CDH8: variants seen among roughly 807,000 people sequenced by gnomAD.
CDH8 encodes cadherin-8.
Under a neutral mutation model 68.1 loss-of-function variants are expected in CDH8, and 17 were observed. The observed-to-expected ratio is 0.25, with a 90% CI of 0.17 to 0.37. CDH8 has a LOEUF of 0.37. Ranked by LOEUF, CDH8 falls within the 10% of genes least tolerant of loss-of-function variation. The pLI is 1.00. For missense variants in CDH8, 763 were observed against 999.3 expected (o/e 0.76, Z 3.19); for synonymous variants, 372 against 365.1 (o/e 1.02, Z -0.21).
chr16:61,768,599 T>C (rs1960699410), intron 8 of CDH8, among the ~76,000 whole-genome samples: 2 of 151,584 alleles, frequency 1.3e-5, no homozygotes, highest in South Asian at 4.2e-4. Context: ...GGTGAGACCC[T>C]GAAAGTGTAA....
At chr16:61,822,986 G>A (rs1451412478) in intron 5 of CDH8, among the ~76,000 whole-genome samples, 1 of 151,810 alleles carries the variant, frequency 6.6e-6, no homozygotes, top group Admixed American at 6.6e-5. Flanking sequence ...TTATTTAATT[G>A]AATAATCATT....
At chr16:61,869,972 A>G (rs1483875242) in intron 3 of CDH8, among the ~76,000 whole-genome samples, 1 of 152,190 alleles carries the variant, frequency 6.6e-6, no homozygotes, top group African/African-American at 2.4e-5. Flanking sequence ...ATATTTTACA[A>G]CAGCTGCGAC....
intron 2 of CDH8, among the ~76,000 whole-genome samples, chr16:61,972,571 G>GGGGT (rs369833002): frequency 0.22 from 28,559 of 131,306 alleles, 3,380 homozygotes; most frequent in East Asian, 0.33. Flanking sequence ...ACACATTGTG[G>GGGGT]GTGTGTGTGT....
chr16:61,768,351 T>C (rs1473932157), intron 8 of CDH8, among the ~76,000 whole-genome samples: 14 of 112,434 alleles, frequency 1.2e-4, no homozygotes, highest in African/African-American at 2.9e-4. Flanking sequence ...TCTCTCTCTC[T>C]CTCTCTCTCT....
At chr16:61,959,648 A>G (rs1275308874) in intron 2 of CDH8, among the ~76,000 whole-genome samples, 2 of 151,444 alleles carry the variant, frequency 1.3e-5, no homozygotes, top group Non-Finnish European at 2.9e-5. Flanking sequence ...ACAGAAAGAG[A>G]CAGAGGGAGG....
chr16:61,980,801 G>C (rs986966965), intron 2 of CDH8, among the ~76,000 whole-genome samples: 2 of 151,952 alleles, frequency 1.3e-5, no homozygotes, highest in East Asian at 1.9e-4. Context: ...GCAAGAATTT[G>C]TAAATGTTTG....
intron 5 of CDH8, among the ~76,000 whole-genome samples, chr16:61,823,917 T>C (rs143027253): frequency 5.2e-4 from 79 of 151,988 alleles, no homozygotes; most frequent in African/African-American, 1.8e-3. Context: ...ATATTTAAGG[T>C]GTACACTGTG....
At chr16:61,749,064 G>GT (rs1440441927) in intron 8 of CDH8, among the ~76,000 whole-genome samples, 1 of 152,040 alleles carries the variant, frequency 6.6e-6, no homozygotes, top group Non-Finnish European at 1.5e-5. Context: ...CAATATTGAG[G>GT]TAAGGCAGAG....
At position 61,901,459 on chromosome 16, in the gene CDH8, C is replaced by T. The variant is rs1455677724; in HGVS notation, c.267G>A (p.Leu89=). The change falls in exon 3 of 12, where the codon CTG becomes CTA. Residue 89 remains leucine, a synonymous_variant. Transcript: ENST00000577390. The part of the protein sequence containing the change: ...PILVGRLHTD[L]DPGSKKIKYI... Reference sequence around the variant, plus strand: ...ACTTGATTTTTTTGCTCCCAGGATCCAGGTCTGTGTGTAGCTGAAATGAAA... The same window carrying T: ...ACTTGATTTTTTTGCTCCCAGGATCTAGGTCTGTGTGTAGCTGAAATGAAA... 3.1e-6 allele frequency: 5 copies of T among 1,612,908 alleles called. No individual in the cohort carries two copies. In the African/African-American group the frequency reaches 6.7e-5, roughly 22 times the overall value.
chr16:61,740,334 T>A (rs1007746321), intron 8 of CDH8, among the ~76,000 whole-genome samples: 1 of 152,128 alleles, frequency 6.6e-6, no homozygotes, highest in Non-Finnish European at 1.5e-5. Flanking sequence ...GTTCAGAAAT[T>A]TTAATAGTCA....
rs182655884 is a variant in CDH8, at chr16:61,922,827, C to T, written c.253-21354G>A. Reference sequence around the variant, plus strand: ...TTTTAAAACTCTAAAATTTATAAATCACATACAAATTTATGCAATTTTGGA... The same window carrying T: ...TTTTAAAACTCTAAAATTTATAAATTACATACAAATTTATGCAATTTTGGA... On this transcript the variant is annotated intron_variant, in intron 2 of 11. Coordinates refer to ENST00000577390, the MANE Select transcript of CDH8 (RefSeq NM_001796.5). Among the ~76,000 whole-genome samples, 514 of 152,226 alleles carry T rather than the reference C, an allele frequency of 3.4e-3. 7 individuals are homozygous for T. The highest frequency in any genetic ancestry group is 1.9e-3 in the Non-Finnish European group (126 of 68,016).
intron 8 of CDH8, among the ~76,000 whole-genome samples, chr16:61,748,033 A>G (rs1960065932): frequency 6.6e-6 from 1 of 152,104 alleles, no homozygotes; most frequent in South Asian, 2.1e-4. Flanking sequence ...TCAGTGGAGA[A>G]TAAACCACTT....
chr16:61,691,095 A>G (rs1297040925), intron 10 of CDH8, among the ~76,000 whole-genome samples: 1 of 152,102 alleles, frequency 6.6e-6, no homozygotes, highest in Non-Finnish European at 1.5e-5. Context: ...TACCTAGATA[A>G]ATCATGCACC....
intron 8 of CDH8, among the ~76,000 whole-genome samples, chr16:61,778,724 G>A (rs1023398412): frequency 2.0e-5 from 3 of 152,148 alleles, no homozygotes; most frequent in South Asian, 2.1e-4. Context: ...GTTCACAGAC[G>A]AGGAAACTGA....
chr16:61,798,074 G>GATCA (rs1287788735), intron 7 of CDH8, among the ~76,000 whole-genome samples: 1 of 152,108 alleles, frequency 6.6e-6, no homozygotes, highest in Non-Finnish European at 1.5e-5. Context: ...TTTGACTCAT[G>GATCA]ATCAATTCTT....
chr16:61,768,232 C>T, intron 8 of CDH8, among the ~76,000 whole-genome samples: 1 of 150,966 alleles, frequency 6.6e-6, no homozygotes, highest in Admixed American at 6.6e-5. Flanking sequence ...ATTTTAGTGG[C>T]CTTATAATTG....
intron 4 of CDH8, among the ~76,000 whole-genome samples, chr16:61,845,969 A>C: frequency 6.6e-6 from 1 of 152,154 alleles, no homozygotes; most frequent in East Asian, 1.9e-4. Flanking sequence ...AAAAAAAGGT[A>C]AGCCTACAGA....
At chr16:61,712,937 A>G (rs1964658080) in intron 10 of CDH8, among the ~76,000 whole-genome samples, 1 of 151,656 alleles carries the variant, frequency 6.6e-6, no homozygotes, top group African/African-American at 2.4e-5. Context: ...AACAATAGGA[A>G]CAGATATCAT....
At chr16:62,016,299 C>A (rs1336120426) in intron 2 of CDH8, among the ~76,000 whole-genome samples, 2 of 152,114 alleles carry the variant, frequency 1.3e-5, no homozygotes, top group Non-Finnish European at 2.9e-5. Flanking sequence ...TAGTTCCATG[C>A]AGAAGGCATA....
Sources: gnomAD v4.1 joint callset for allele counts (sites outside exome capture counted in the v4.1 genomes callset) on GRCh38, gnomAD v4.1.1 for gene constraint, MANE v1.5 for transcripts, NCBI Gene and HGNC (gene_info 2026-07-23, HGNC 2026-07-21) for gene names.